HABP2: variants seen among roughly 807,000 people sequenced by gnomAD.
HABP2 encodes hyaluronan binding protein 2.
Under a neutral mutation model 66.5 loss-of-function variants are expected in HABP2, and 65 were observed. That is an observed-to-expected ratio of 0.98 (90% CI 0.80 to 1.20). HABP2 has a LOEUF of 1.20. Ranked by LOEUF, HABP2 falls within the 50% of genes most tolerant of loss-of-function variation. The probability of loss-of-function intolerance (pLI) is 0.00; values close to 1 mark genes in which losing one functional copy is unlikely to be tolerated. For synonymous variants in HABP2, 263 were observed against 253.9 expected, an observed-to-expected ratio of 1.04 and a Z score of -0.34; for missense variants, 786 against 691.0, an observed-to-expected ratio of 1.14 and a Z score of -1.54.
At chr10:113,578,600 C>T (rs1007282510) in intron 6 of HABP2, 27 bp from the exon 7 acceptor site, 2 of 1,578,274 alleles carry the variant, frequency 1.3e-6, no homozygotes, top group Non-Finnish European at 1.7e-6. Context: ...GCTGTTGGTT[C>T]TCACATTGCT....
Position 113,583,279 on chromosome 10 carries a change from T to TGAGC in HABP2, c.1159_1162dup (p.Gln388ArgfsTer5), listed in dbSNP as rs747645643. 106 of 1,612,198 alleles carry TGAGC rather than the reference T, an allele frequency of 6.6e-5. 1 individual carries two copies. In the Admixed American group the frequency reaches 1.6e-3, roughly 24 times the overall value. The stretch of plus-strand genomic sequence containing the variant: ...AGGACCTGAAGAAAGAAGAATTTCA[T>TGAGC]GAGCAGAGCTTTAGGGTGGAGAAGA... On this transcript the variant is annotated frameshift_variant, in exon 10 of 13. Transcript: ENST00000351270. LOFTEE classifies it high-confidence loss of function.
intron 2 of HABP2, among the ~76,000 whole-genome samples, chr10:113,571,096 G>A (rs534830481): frequency 5.3e-4 from 80 of 152,238 alleles, no homozygotes; most frequent in South Asian, 1.5e-3. Context: ...TGCATAATAC[G>A]CTACCCCAAA....
intron 1 of HABP2, 113 bp from the exon 2 acceptor site, chr10:113,567,376 G>T: frequency 2.5e-6 from 2 of 794,326 alleles, no homozygotes; most frequent in South Asian, 2.9e-5. Context: ...ACAACCATCA[G>T]AAAGCACGCA....
intron 1 of HABP2, among the ~76,000 whole-genome samples, chr10:113,562,526 C>T (rs1342415617): frequency 6.6e-6 from 1 of 151,088 alleles, no homozygotes; most frequent in Non-Finnish European, 1.5e-5. Flanking sequence ...CTCACTGCAG[C>T]CTCCACTTCT....
rs1845695050 is a variant in HABP2 at position 113,588,194 on chromosome 10, GT to G, written c.1519-8del. 1 of 1,587,596 alleles carries G rather than the reference GT, an allele frequency of 6.3e-7. No individual in the cohort carries two copies. The highest frequency in any genetic ancestry group is 8.6e-7 in the Non-Finnish European group (1 of 1,167,588). On this transcript the variant is annotated splice_polypyrimidine_tract_variant and intron_variant, in intron 12 of 12. Coordinates refer to ENST00000351270, the MANE Select transcript of HABP2 (RefSeq NM_004132.5). ...TTCACGAGGATGAGCTTATGCCTCT[GT>G]TTCCCTTAGGGTGACTCTGGAGGCC...
chr10:113,587,255 T>C (rs1592703879), intron 12 of HABP2, among the ~76,000 whole-genome samples: 1 of 152,246 alleles, frequency 6.6e-6, no homozygotes, highest in African/African-American at 2.4e-5. Context: ...AAACGGAGGT[T>C]GCAGTGAGCC....
At chr10:113,563,607 C>T (rs1299121748) in intron 1 of HABP2, among the ~76,000 whole-genome samples, 1 of 152,154 alleles carries the variant, frequency 6.6e-6, no homozygotes, top group Non-Finnish European at 1.5e-5. Flanking sequence ...GGTTTCCCTC[C>T]GAGCGCCAGC....
intron 2 of HABP2, among the ~76,000 whole-genome samples, chr10:113,571,861 C>T (rs752952687): frequency 3.9e-5 from 6 of 152,196 alleles, no homozygotes; most frequent in Non-Finnish European, 7.3e-5. Context: ...CCATCCTGAA[C>T]CTGGCATAAC....
chr10:113,572,882 AG>A (rs971143101), intron 2 of HABP2, among the ~76,000 whole-genome samples: 20 of 152,354 alleles, frequency 1.3e-4, no homozygotes, highest in African/African-American at 4.8e-4. Flanking sequence ...AGAAATAAAA[AG>A]CTAGTTCCAT....
At chr10:113,583,129 G>C in intron 9 of HABP2, 87 bp from the exon 10 acceptor site, 2 of 1,119,346 alleles carry the variant, frequency 1.8e-6, no homozygotes. Flanking sequence ...AAATGAGGAG[G>C]CTGAGTCTGC....
At chr10:113,551,042 C>T (rs4918840), upstream of HABP2, 152,175 of 152,382 alleles carry the variant, frequency 1, 75,984 homozygotes, top group Non-Finnish European at 1. Flanking sequence ...TTTTAGTTTT[C>T]CACATCCAGT....
At chr10:113,558,534 G>A (rs1230890042) in intron 1 of HABP2, among the ~76,000 whole-genome samples, 4 of 152,232 alleles carry the variant, frequency 2.6e-5, no homozygotes, top group Non-Finnish European at 2.9e-5. Flanking sequence ...GGGATTGGAA[G>A]GCTTGACAGT....
chr10:113,576,037 C>A, intron 4 of HABP2, 33 bp downstream of exon 4: 1 of 1,138,478 alleles, frequency 8.8e-7, no homozygotes. Context: ...ACTCTTCCCT[C>A]TGAGTTAAAC....
upstream of HABP2, among the ~76,000 whole-genome samples, chr10:113,551,673 G>T (rs566454682): frequency 1.3e-5 from 2 of 152,284 alleles, no homozygotes; most frequent in Admixed American, 1.3e-4. Context: ...AGCCATGGTG[G>T]CATACACCTG....
At chr10:113,572,243 C>T (rs952184906) in intron 2 of HABP2, among the ~76,000 whole-genome samples, 1 of 152,240 alleles carries the variant, frequency 6.6e-6, no homozygotes, top group Non-Finnish European at 1.5e-5. Flanking sequence ...GAGAGGTAAG[C>T]AGACCTTGTT....
At chr10:113,587,240 G>A (rs2419842) in intron 12 of HABP2, among the ~76,000 whole-genome samples, 7 of 152,114 alleles carry the variant, frequency 4.6e-5, no homozygotes, top group Non-Finnish European at 1.0e-4. Context: ...TCGCTTGGAC[G>A]TGGGAAACGG....
chr10:113,574,150 C>A, intron 2 of HABP2, 139 bp from the exon 3 acceptor site: 1 of 569,438 alleles, frequency 1.8e-6, no homozygotes, highest in Non-Finnish European at 3.2e-6. Flanking sequence ...ACTCCCCTCA[C>A]TGTGCAGAGC....
intron 8 of HABP2, 68 bp from the exon 9 acceptor site, chr10:113,581,808 T>G (rs1845539146): frequency 4.6e-6 from 7 of 1,535,406 alleles, no homozygotes; most frequent in Non-Finnish European, 6.3e-6. Flanking sequence ...GTCATACCTC[T>G]GCCTGAGCCC....
intron 9 of HABP2, among the ~76,000 whole-genome samples, chr10:113,582,684 A>G (rs1845562734): frequency 6.6e-6 from 1 of 152,182 alleles, no homozygotes; most frequent in African/African-American, 2.4e-5. Flanking sequence ...CTTCTGAGTC[A>G]GGTGTCTTCA....
Sources: gnomAD v4.1 joint callset for allele counts (sites outside exome capture counted in the v4.1 genomes callset) on GRCh38, gnomAD v4.1.1 for gene constraint, MANE v1.5 for transcripts, NCBI Gene and HGNC (gene_info 2026-07-23, HGNC 2026-07-21) for gene names.